The following CNBD1 variants were observed in gnomAD, a reference collection of about 807,000 sequenced individuals.
CNBD1 encodes cyclic nucleotide binding domain containing 1, also known as cyclic nucleotide-binding domain-containing protein 1.
Under a neutral mutation model 54.4 loss-of-function variants are expected in CNBD1, and 71 were observed. The observed-to-expected ratio is 1.30, with a 90% CI of 1.08 to 1.59. The LOEUF is 1.59. CNBD1 is among the 40% of genes most tolerant of loss of function. CNBD1 has a pLI of 0.00. For synonymous variants in CNBD1, 182 were observed against 170.7 expected (o/e 1.07, Z -0.51); for missense variants, 659 against 518.0 (o/e 1.27, Z -2.64).
At chr8:87,020,110 A>G (rs1809452062) in intron 4 of CNBD1, among the ~76,000 whole-genome samples, 1 of 152,062 alleles carries the variant, frequency 6.6e-6, no homozygotes, top group South Asian at 2.1e-4. Context: ...TCTTTATCAT[A>G]TTACTATATT....
chr8:87,188,820 C>CTT (rs33963727), intron 4 of CNBD1, among the ~76,000 whole-genome samples: 72 of 128,578 alleles, frequency 5.6e-4, no homozygotes, highest in African/African-American at 1.5e-3. Flanking sequence ...AGTAAAGCGT[C>CTT]TTTTTTTTTT....
At chr8:87,312,867 T>A (rs2130892154) in intron 8 of CNBD1, among the ~76,000 whole-genome samples, 1 of 152,168 alleles carries the variant, frequency 6.6e-6, no homozygotes, top group South Asian at 2.1e-4. Flanking sequence ...ATTGCCAAAC[T>A]TCACAGGAGT....
chr8:87,287,948 T>C (rs971798909), intron 8 of CNBD1, among the ~76,000 whole-genome samples: 3 of 152,138 alleles, frequency 2.0e-5, no homozygotes, highest in Non-Finnish European at 4.4e-5. Flanking sequence ...TATTATGTTT[T>C]TGTTTATGAC....
At chr8:87,418,958 C>T (rs1807880842) in intron 2 of CNBD1, among the ~76,000 whole-genome samples, 1 of 151,810 alleles carries the variant, frequency 6.6e-6, no homozygotes, top group Non-Finnish European at 1.5e-5. Context: ...TATGTATACA[C>T]TAAAGAGAAT....
At chr8:87,047,703 A>G (rs764331729) in intron 4 of CNBD1, among the ~76,000 whole-genome samples, 20 of 152,216 alleles carry the variant, frequency 1.3e-4, no homozygotes, top group Non-Finnish European at 2.2e-4. Context: ...AGTATGGTGT[A>G]GTTAATGATT....
chr8:86,908,992 G>A (rs541887935), intron 3 of CNBD1, among the ~76,000 whole-genome samples: 5 of 152,224 alleles, frequency 3.3e-5, no homozygotes, highest in South Asian at 4.1e-4. Context: ...TCTTGACCTC[G>A]TGATCTGCCC....
chr8:87,363,569 T>G (rs913730108), intron 10 of CNBD1, among the ~76,000 whole-genome samples: 3 of 152,178 alleles, frequency 2.0e-5, no homozygotes, highest in Non-Finnish European at 4.4e-5. Flanking sequence ...AGATGGTATC[T>G]CATTGTGGTT....
chr8:86,965,555 T>G (rs1586167763), intron 4 of CNBD1, among the ~76,000 whole-genome samples: 1 of 152,152 alleles, frequency 6.6e-6, no homozygotes, highest in Non-Finnish European at 1.5e-5. Flanking sequence ...TTTCTTCATT[T>G]TGGCTATTAT....
intron 4 of CNBD1, among the ~76,000 whole-genome samples, chr8:86,983,376 G>T (rs1281122925): frequency 6.6e-6 from 1 of 152,150 alleles, no homozygotes; most frequent in Non-Finnish European, 1.5e-5. Context: ...TTTATCAGCA[G>T]CATGATGCAG....
At chr8:87,395,527 A>T (rs1024253028) in intron 2 of CNBD1, among the ~76,000 whole-genome samples, 7 of 151,656 alleles carry the variant, frequency 4.6e-5, no homozygotes, top group African/African-American at 1.7e-4. Flanking sequence ...TAATAGAAGT[A>T]TAAAAATATT....
At chr8:87,314,200 T>C (rs914104093) in intron 8 of CNBD1, among the ~76,000 whole-genome samples, 1 of 151,834 alleles carries the variant, frequency 6.6e-6, no homozygotes, top group Non-Finnish European at 1.5e-5. Flanking sequence ...TGAATATCAA[T>C]ATAAAAATCC....
chr8:87,117,367 C>G (rs1811794901), intron 4 of CNBD1, among the ~76,000 whole-genome samples: 1 of 146,810 alleles, frequency 6.8e-6, no homozygotes, highest in South Asian at 2.1e-4. Flanking sequence ...CCACTGCACT[C>G]CAGCCTGAGC....
chr8:86,928,343 G>A (rs1203611533), intron 3 of CNBD1, among the ~76,000 whole-genome samples: 1 of 152,112 alleles, frequency 6.6e-6, no homozygotes, highest in Non-Finnish European at 1.5e-5. Flanking sequence ...ATAGGACATG[G>A]GAGATGAGTT....
intron 2 of CNBD1, among the ~76,000 whole-genome samples, chr8:87,389,805 A>G (rs1451743221): frequency 2.0e-5 from 3 of 152,206 alleles, no homozygotes; most frequent in Non-Finnish European, 4.4e-5. Context: ...TCCTAAGCCG[A>G]AAGAACAAAA....
chr8:87,369,676 C>A (rs2130946091), intron 10 of CNBD1, among the ~76,000 whole-genome samples: 1 of 151,964 alleles, frequency 6.6e-6, no homozygotes, highest in East Asian at 2.0e-4. Context: ...GCTGTTAGTA[C>A]CATTGAGTAT....
intron 8 of CNBD1, among the ~76,000 whole-genome samples, chr8:87,290,018 C>A (rs1490044350): frequency 6.6e-6 from 1 of 151,934 alleles, no homozygotes; most frequent in Non-Finnish European, 1.5e-5. Flanking sequence ...AATTTTTCAC[C>A]ATATTTGTTA....
At chr8:87,113,858 G>T (rs1811716194) in intron 4 of CNBD1, among the ~76,000 whole-genome samples, 1 of 151,800 alleles carries the variant, frequency 6.6e-6, no homozygotes, top group African/African-American at 2.4e-5. Context: ...GGTGGAGCTT[G>T]CAGTGAGCCG....
At chr8:87,088,356 C>G (rs1001320199) in intron 4 of CNBD1, among the ~76,000 whole-genome samples, 3 of 152,038 alleles carry the variant, frequency 2.0e-5, no homozygotes, top group Non-Finnish European at 4.4e-5. Flanking sequence ...TGGTTATATC[C>G]TGTGTGATTG....
chr8:87,283,309 T>C (rs1304674259), intron 6 of CNBD1, among the ~76,000 whole-genome samples: 2 of 152,170 alleles, frequency 1.3e-5, no homozygotes, highest in African/African-American at 4.8e-5. Flanking sequence ...TAAATATTTG[T>C]AGTTTCTTTT....
Sources: gnomAD v4.1 joint callset for allele counts (sites outside exome capture counted in the v4.1 genomes callset) on GRCh38, gnomAD v4.1.1 for gene constraint, MANE v1.5 for transcripts, NCBI Gene and HGNC (gene_info 2026-07-23, HGNC 2026-07-21) for gene names.